NFIB: variants seen among roughly 807,000 people sequenced by gnomAD.
NFIB encodes the protein nuclear factor I B.
A neutral mutation model predicts 61.5 loss-of-function variants in NFIB; 11 were observed. The ratio of observed to expected loss-of-function variants is 0.18; its 90% CI spans 0.11 to 0.30. The LOEUF (loss-of-function observed/expected upper bound fraction) is 0.30. Ranked by LOEUF, NFIB falls within the 10% of genes least tolerant of loss-of-function variation. The probability of loss-of-function intolerance (pLI) is 1.00; values close to 1 mark genes in which losing one functional copy is unlikely to be tolerated. For synonymous variants in NFIB, 260 were observed against 216.5 expected (o/e 1.20, Z -1.76); for missense variants, 471 against 608.9 (o/e 0.77, Z 2.38).
At chr9:14,428,424 C>T in the NFIB span, among the ~76,000 whole-genome samples, 7 of 152,198 alleles carry the variant, frequency 4.6e-5, no homozygotes, top group South Asian at 1.2e-3. Context: ...CTGAAGCTAG[C>T]TGTATCTAGG....
chr9:14,460,468 G>A, the NFIB span, among the ~76,000 whole-genome samples: 5 of 151,868 alleles, frequency 3.3e-5, no homozygotes, highest in East Asian at 5.8e-4. Flanking sequence ...GTATACACAC[G>A]TAACAAACCT....
chr9:14,265,427 G>A (rs1046821622), intron 2 of NFIB, among the ~76,000 whole-genome samples: 1 of 152,168 alleles, frequency 6.6e-6, no homozygotes, highest in South Asian at 2.1e-4. Flanking sequence ...TATCAGAAGA[G>A]ACACCGGAGA....
the NFIB span, among the ~76,000 whole-genome samples, chr9:14,488,550 G>A: frequency 3.3e-5 from 5 of 152,018 alleles, no homozygotes; most frequent in Non-Finnish European, 7.4e-5. Flanking sequence ...ACCCTATGCT[G>A]GCACTGCTTT....
chr9:14,115,499 C>A (rs968228907), intron 9 of NFIB, among the ~76,000 whole-genome samples: 1 of 152,060 alleles, frequency 6.6e-6, no homozygotes, highest in Non-Finnish European at 1.5e-5. Context: ...AGGAATGATG[C>A]GGCTTATTGG....
At chr9:14,367,936 G>T (rs568650935) in intron 1 of NFIB, among the ~76,000 whole-genome samples, 2 of 152,174 alleles carry the variant, frequency 1.3e-5, no homozygotes, top group African/African-American at 4.8e-5. Context: ...GTAGATGACA[G>T]GTTGATGGGT....
intron 1 of NFIB, among the ~76,000 whole-genome samples, chr9:14,341,794 G>A (rs80356168): frequency 0.019 from 2,912 of 152,168 alleles, 52 homozygotes; most frequent in Middle Eastern, 0.065. Flanking sequence ...CTGCTTCTGG[G>A]GAAGACAAAG....
rs1230537631 is a variant in NFIB at position 14,085,597 on chromosome 9, A to G, written c.*2712T>C. The G allele has an allele frequency of 4.5e-6, 1 of 220,454 alleles. No homozygotes were observed. The highest frequency in any genetic ancestry group is 9.1e-6 in the Non-Finnish European group (1 of 110,156). The allele number at this position is 220,454 out of a possible 1,614,324, so 13.7% of individuals were successfully genotyped here. A position where few individuals can be genotyped will look rare whatever the true frequency, so the allele number is the denominator to read the frequency against. On this transcript the variant is annotated 3_prime_UTR_variant, in exon 11 of 11. Coordinates refer to ENST00000380953, the MANE Select transcript of NFIB (RefSeq NM_001190737.2). ...TTAAAAGGGGAGATAAAATGAAAAC[A>G]GGATTTACTTTTTTGTTCCTTAAAA...
intron 2 of NFIB, among the ~76,000 whole-genome samples, chr9:14,212,467 A>G (rs1024615307): frequency 6.6e-6 from 1 of 152,218 alleles, no homozygotes; most frequent in African/African-American, 2.4e-5. Context: ...CCTACTAAAA[A>G]TAAAAATTAA....
chr9:14,178,840 C>T (rs2046442838), intron 3 of NFIB, among the ~76,000 whole-genome samples: 2 of 152,032 alleles, frequency 1.3e-5, no homozygotes, highest in South Asian at 4.1e-4. Flanking sequence ...ACTAAGTCTA[C>T]CTGAGGAAAC....
intron 1 of NFIB, among the ~76,000 whole-genome samples, chr9:14,311,669 T>A (rs1177770062): frequency 6.6e-6 from 1 of 152,206 alleles, no homozygotes; most frequent in Non-Finnish European, 1.5e-5. Context: ...CAAATTAAGA[T>A]AAAACTAGTG....
chr9:14,446,833 C>A, the NFIB span, among the ~76,000 whole-genome samples: 2 of 152,272 alleles, frequency 1.3e-5, no homozygotes, highest in Non-Finnish European at 2.9e-5. Flanking sequence ...TAATAATCAT[C>A]ATTTTAACAA....
At chr9:14,531,932 T>C in the NFIB span, 1 of 151,992 alleles carries the variant, frequency 6.6e-6, no homozygotes, top group African/African-American at 2.4e-5. Context: ...AAAAATGTTA[T>C]TACGCCAAAC....
At chr9:14,419,458 C>T in the NFIB span, among the ~76,000 whole-genome samples, 4 of 152,074 alleles carry the variant, frequency 2.6e-5, no homozygotes, top group Admixed American at 6.5e-5. Context: ...CCCACTTCAC[C>T]GGCATGTGAC....
At chr9:14,142,646 GAAAA>G (rs897541482) in intron 6 of NFIB, among the ~76,000 whole-genome samples, 1 of 150,286 alleles carries the variant, frequency 6.7e-6, no homozygotes, top group African/African-American at 2.4e-5. Context: ...GACTCAGATG[GAAAA>G]AAAAATAAGA....
chr9:14,512,726 T>C, the NFIB span, among the ~76,000 whole-genome samples: 1 of 152,062 alleles, frequency 6.6e-6, no homozygotes, highest in East Asian at 1.9e-4. Context: ...CTCTTGTGTT[T>C]CTTCCCTTCC....
chr9:14,223,317 T>C (rs974562812), intron 2 of NFIB, among the ~76,000 whole-genome samples: 1 of 152,244 alleles, frequency 6.6e-6, no homozygotes, highest in African/African-American at 2.4e-5. Flanking sequence ...GACCTTGTCC[T>C]CGCCTTACTG....
intron 10 of NFIB, chr9:14,094,596 A>G (rs556560311): frequency 1.4e-4 from 21 of 152,524 alleles, no homozygotes; most frequent in African/African-American, 4.6e-4. Flanking sequence ...GATTATTACT[A>G]TTTGTAATAA....
Position 14,313,559 on chromosome 9 carries a change from C to T in NFIB, c.-48G>A, listed in dbSNP as rs1481339383. ...TCCGGGAGATGCCCAAGAAAATCTT[C>T]GAGAAGCAAGAATTTCATCTATTCA... On this transcript the variant is annotated 5_prime_UTR_variant, in exon 1 of 11. Coordinates refer to ENST00000380953, the MANE Select transcript of NFIB (RefSeq NM_001190737.2). This position sits in a 1 kb window ranked among gnomAD's most constrained non-coding sequence, Gnocchi z 4.5. 5 of 1,612,804 alleles carry T rather than the reference C, an allele frequency of 3.1e-6. No homozygotes were observed. The highest frequency in any genetic ancestry group is 1.7e-4 in the Middle Eastern group (1 of 6,058).
At chr9:14,495,436 G>A in the NFIB span, among the ~76,000 whole-genome samples, 2 of 108,294 alleles carry the variant, frequency 1.8e-5, no homozygotes, top group Non-Finnish European at 3.5e-5. Flanking sequence ...TTGAAGAGAA[G>A]AGAAATGAAC....
Sources: allele counts gnomAD v4.1 joint callset (sites outside exome capture counted in the v4.1 genomes callset), GRCh38; gene constraint gnomAD v4.1.1; non-coding constraint Gnocchi (gnomAD v3.1); transcripts MANE v1.5; gene names NCBI Gene and HGNC (gene_info 2026-07-23, HGNC 2026-07-21).